Variants in RPA1 observed in about 807,000 individuals in gnomAD.
RPA1 encodes the protein replication protein A1.
Under a neutral mutation model 83.0 loss-of-function variants are expected in RPA1, and 49 were observed. That is an observed-to-expected ratio of 0.59 (90% confidence interval 0.47 to 0.75). RPA1 has a LOEUF of 0.75. Among genes scored for constraint, RPA1 ranks in the 30% least tolerant of loss-of-function variants. The probability of loss-of-function intolerance (pLI) is 0.00; values close to 1 mark genes in which losing one functional copy is unlikely to be tolerated. For missense variants in RPA1, 693 were observed against 776.1 expected (o/e 0.89, Z 1.27); for synonymous variants, 279 against 281.8 (o/e 0.99, Z 0.10).
chr17:1,885,700 A>G (rs545775806), intron 13 of RPA1, among the ~76,000 whole-genome samples: 4 of 151,754 alleles, frequency 2.6e-5, no homozygotes, highest in Non-Finnish European at 5.9e-5. Context: ...CAACCTCTCA[A>G]AGTGCCAGGA....
At chr17:1,846,820 T>C (rs573230228) in intron 4 of RPA1, among the ~76,000 whole-genome samples, 1 of 152,314 alleles carries the variant, frequency 6.6e-6, no homozygotes, top group South Asian at 2.1e-4. Context: ...ATGGATGCAT[T>C]GGCTTGCTTC....
chr17:1,837,589 C>G (rs1159987539), intron 1 of RPA1, among the ~76,000 whole-genome samples: 2 of 152,146 alleles, frequency 1.3e-5, no homozygotes, highest in Non-Finnish European at 1.5e-5. Context: ...CATATCCTTG[C>G]CAGTCATCAG....
intron 13 of RPA1, among the ~76,000 whole-genome samples, chr17:1,888,044 CG>C (rs917473924): frequency 1.4e-4 from 21 of 152,010 alleles, no homozygotes; most frequent in Admixed American, 6.6e-4. Flanking sequence ...TAAAAAATGC[CG>C]TATCTGTCAA....
chr17:1,888,577 T>C, intron 13 of RPA1, 98 bp from the exon 14 acceptor site: 1 of 1,192,894 alleles, frequency 8.4e-7, no homozygotes, highest in East Asian at 2.4e-5. Context: ...GTAGAAACAC[T>C]TACCACCTAA....
intron 5 of RPA1, among the ~76,000 whole-genome samples, chr17:1,862,194 A>ATTTTTTTTT (rs57509401): frequency 5.4e-5 from 5 of 93,160 alleles, no homozygotes; most frequent in African/African-American, 2.1e-4. Context: ...CCCCAACCGT[A>ATTTTTTTTT]TTTTTTTTTT....
chr17:1,883,408 G>A lies in RPA1; in HGVS notation c.1242-404G>A, dbSNP rs113979359. Among the ~76,000 whole-genome samples the A allele has an allele frequency of 3.1e-4, 47 of 152,100 alleles. 1 individual carries two copies. Among genetic ancestry groups the A allele is most frequent in the Admixed American group, 8.5e-4 (13 of 15,286 alleles). On this transcript the variant is annotated intron_variant, in intron 12 of 16. Coordinates refer to ENST00000254719, the MANE Select transcript of RPA1 (RefSeq NM_002945.5). The stretch of plus-strand genomic sequence containing the variant: ...GATCTCTTGACCTCGTGATCCGCCC[G>A]CCTCATCCTCCCAAAATGCTGGGGT...
chr17:1,879,460 G>C, intron 10 of RPA1, 53 bp downstream of exon 10: 1 of 1,611,016 alleles, frequency 6.2e-7, no homozygotes, highest in Non-Finnish European at 8.5e-7. Context: ...TCTTTGCAGT[G>C]TACGGGGTGG....
intron 4 of RPA1, among the ~76,000 whole-genome samples, chr17:1,850,556 C>A (rs1202325139): frequency 1.4e-5 from 2 of 146,882 alleles, no homozygotes; most frequent in Non-Finnish European, 3.0e-5. Context: ...AAAGGATTGC[C>A]TAATAATTCA....
chr17:1,883,657 G>A (rs564255907), intron 12 of RPA1, among the ~76,000 whole-genome samples, 155 bp from the exon 13 acceptor site: 3 of 152,052 alleles, frequency 2.0e-5, no homozygotes, highest in South Asian at 2.1e-4. Context: ...ATATAATTAC[G>A]AAGATACCAG....
chr17:1,895,082 T>C lies in RPA1; in HGVS notation c.1733T>C (p.Val578Ala). 1 of 1,613,388 alleles carries C rather than the reference T, an allele frequency of 6.2e-7. No individual in the cohort carries two copies. Among genetic ancestry groups the C allele is most frequent in the South Asian group, 1.1e-5 (1 of 91,020 alleles). The part of the protein sequence containing the change: ...RSFIFRVRVK[V>A]ETYNDESRIK... ...TTCATATTCAGAGTCAGGGTCAAAG[T>C]GGAGACCTACAACGTAAGTAAGGGC... is the stretch of plus-strand genomic sequence containing the variant. Residue 578 changes from valine to alanine, a missense_variant, in exon 16 of 17, where the codon GTG becomes GCG. By Grantham distance (64) the Val-to-Ala change is moderately conservative. Transcript: ENST00000254719.
rs17291909 is a variant in RPA1 at position 1,853,647 on chromosome 17, C to T, written c.361+458C>T. On this transcript the variant is annotated intron_variant, in intron 5 of 16. Coordinates refer to ENST00000254719, the MANE Select transcript of RPA1 (RefSeq NM_002945.5). ...TCAGTGAGCCGAGATCGTGCCACTG[C>T]ACTCCAGCCTGGGCAACAGAGTGAG... 1.3e-3 allele frequency among the ~76,000 whole-genome samples: 205 copies of T among 152,296 alleles called. 5 individuals carry two copies. The South Asian group carries it at 0.041, about 31-fold the overall frequency.
intron 4 of RPA1, among the ~76,000 whole-genome samples, chr17:1,845,250 G>C (rs541220625): frequency 4.3e-4 from 64 of 150,584 alleles, no homozygotes; most frequent in African/African-American, 1.2e-3. Flanking sequence ...AGAATACATT[G>C]AACCACATGT....
chr17:1,853,964 C>T (rs1206035129), intron 5 of RPA1, among the ~76,000 whole-genome samples: 1 of 152,114 alleles, frequency 6.6e-6, no homozygotes, highest in Non-Finnish European at 1.5e-5. Flanking sequence ...GTTCTAGTGC[C>T]TAACTTGAGG....
chr17:1,883,152 C>T (rs917658534), intron 12 of RPA1, among the ~76,000 whole-genome samples: 2 of 152,132 alleles, frequency 1.3e-5, no homozygotes, highest in African/African-American at 4.8e-5. Context: ...AAGACCCCAT[C>T]TCTTAAAAAA....
chr17:1,853,461 TC>T (rs1297500998), intron 5 of RPA1, among the ~76,000 whole-genome samples: 1 of 152,144 alleles, frequency 6.6e-6, no homozygotes, highest in Non-Finnish European at 1.5e-5. Context: ...AGCAGGTAGA[TC>T]ACTTGACGTC....
Position 1,879,407 on chromosome 17 carries a change from G to A in RPA1, c.952G>A (p.Asp318Asn). Residue 318 changes from aspartate to asparagine, a missense_variant and splice_region_variant, in exon 10 of 17, where the codon GAC becomes AAC. By Grantham distance (23) the Asp-to-Asn change is conservative. Coordinates refer to ENST00000254719, the MANE Select transcript of RPA1 (RefSeq NM_002945.5). ...GAACAAGTCGAAAGACTCACTTGTA[G>A]GTAAGCTCGTGTATGAGAAGGAAGA... The part of the protein sequence containing the change: ...LENKSKDSLV[D>N]IIGICKSYED... The A allele has an allele frequency of 6.2e-7, 1 of 1,613,862 alleles. No homozygotes were observed. The highest frequency in any genetic ancestry group is 8.5e-7 in the Non-Finnish European group (1 of 1,179,762).
intron 8 of RPA1, among the ~76,000 whole-genome samples, chr17:1,877,799 G>A (rs1913626899): frequency 6.6e-6 from 1 of 152,134 alleles, no homozygotes; most frequent in African/African-American, 2.4e-5. Flanking sequence ...TGGTTTTGTG[G>A]GAAATGGGTT....
In RPA1 at chr17:1,879,673, G is replaced by A. The variant is rs757279483; in HGVS notation, c.1066G>A (p.Val356Met). Reference protein sequence around the residue: ...IYLMDTSGKVVTATLWGEDAD... With the variant: ...IYLMDTSGKVMTATLWGEDAD... The stretch of plus-strand genomic sequence containing the variant: ...CTTGATGGACACATCCGGGAAGGTG[G>A]TGACTGCTACACTGTGGGGGGAAGA... Residue 356 changes from valine (V) to methionine (M), a missense_variant, in exon 11 of 17, where the codon GTG becomes ATG. Coordinates refer to ENST00000254719, the MANE Select transcript of RPA1 (RefSeq NM_002945.5). 1 of 1,614,238 alleles carries A rather than the reference G, an allele frequency of 6.2e-7. No homozygotes were observed. The highest frequency in any genetic ancestry group is 8.5e-7 in the Non-Finnish European group (1 of 1,180,036).
Position 1,837,062 on chromosome 17 carries a change from T to A in RPA1, c.34-5741T>A, listed in dbSNP as rs144151507. Among the ~76,000 whole-genome samples, 178 of 151,952 alleles carry A rather than the reference T, an allele frequency of 1.2e-3. 1 individual carries two copies. Among genetic ancestry groups the A allele is most frequent in the African/African-American group, 4.2e-3 (176 of 41,420 alleles). On this transcript the variant is annotated intron_variant, in intron 1 of 16. Coordinates refer to ENST00000254719, the MANE Select transcript of RPA1 (RefSeq NM_002945.5). ...CACGGTGGTCAGGATGGTCTCGATC[T>A]CTTGACCTCGTGATCCACCCGCCTC...
Sources: gnomAD v4.1 joint callset for allele counts (sites outside exome capture counted in the v4.1 genomes callset) on GRCh38, gnomAD v4.1.1 for gene constraint, MANE v1.5 for transcripts, NCBI Gene and HGNC (gene_info 2026-07-23, HGNC 2026-07-21) for gene names.